UQCC6: variants seen among roughly 807,000 people sequenced by gnomAD.
UQCC6 encodes the protein ubiquinol-cytochrome c reductase complex assembly factor 6, also known as protein BRAWNIN.
At chr12:103,956,899 G>C in the UQCC6 span, 1 of 589,758 alleles carries the variant, frequency 1.7e-6, no homozygotes. Flanking sequence ...CCACGCCTCG[G>C]TTTCCTCCTT....
chr12:103,961,735 A>C, the UQCC6 span, among the ~76,000 whole-genome samples: 115 of 151,800 alleles, frequency 7.6e-4, no homozygotes, highest in Non-Finnish European at 1.3e-3. Context: ...TTTTCTTTGT[A>C]TTTTAGTAAA....
the UQCC6 span, among the ~76,000 whole-genome samples, chr12:103,961,463 G>A: frequency 1.3e-5 from 2 of 152,164 alleles, no homozygotes; most frequent in Non-Finnish European, 2.9e-5. Context: ...GACTCACCCA[G>A]AGCAACAAGG....
the UQCC6 span, among the ~76,000 whole-genome samples, chr12:103,952,174 CA>C: frequency 2.4e-4 from 37 of 152,244 alleles, no homozygotes; most frequent in African/African-American, 8.4e-4. Flanking sequence ...TACTTATTAG[CA>C]GTCACTTTCA....
chr12:103,963,311 G>A, the UQCC6 span, among the ~76,000 whole-genome samples: 1 of 152,080 alleles, frequency 6.6e-6, no homozygotes, highest in African/African-American at 2.4e-5. Context: ...TCTGGCCTTG[G>A]GTGATCTGCC....
chr12:103,957,964 ATTATATATTTTTAATATATAT>A, the UQCC6 span, among the ~76,000 whole-genome samples: 2 of 143,576 alleles, frequency 1.4e-5, no homozygotes, highest in Non-Finnish European at 3.0e-5. Flanking sequence ...TTTAATATAT[ATTATATATTTTTAATATATAT>A]TTATATATTT....
At chr12:103,964,733 CAG>C in the UQCC6 span, among the ~76,000 whole-genome samples, 1 of 152,192 alleles carries the variant, frequency 6.6e-6, no homozygotes, top group Non-Finnish European at 1.5e-5. Flanking sequence ...TTGGCAAAAT[CAG>C]AGAGGATGGG....
At chr12:103,959,388 G>A in the UQCC6 span, among the ~76,000 whole-genome samples, 2 of 152,274 alleles carry the variant, frequency 1.3e-5, no homozygotes, top group East Asian at 3.9e-4. Flanking sequence ...GGAATTACTA[G>A]AGCATATGGA....
At chr12:103,954,634 C>T in the UQCC6 span, 2 of 337,772 alleles carry the variant, frequency 5.9e-6, no homozygotes, top group South Asian at 5.5e-5. Context: ...GATCACATTT[C>T]GGCGTGAAAT....
At chr12:103,952,981 G>A in the UQCC6 span, among the ~76,000 whole-genome samples, 1 of 152,174 alleles carries the variant, frequency 6.6e-6, no homozygotes, top group Admixed American at 6.5e-5. Context: ...TCACAGAGAG[G>A]TTAAGAGGAG....
At chr12:103,951,921 T>C in the UQCC6 span, among the ~76,000 whole-genome samples, 1 of 152,198 alleles carries the variant, frequency 6.6e-6, no homozygotes, top group Admixed American at 6.5e-5. Flanking sequence ...AATAAAACTT[T>C]CCACATCTGG....
At chr12:103,959,588 T>C in the UQCC6 span, among the ~76,000 whole-genome samples, 1 of 151,634 alleles carries the variant, frequency 6.6e-6, no homozygotes, top group Non-Finnish European at 1.5e-5. Flanking sequence ...GGTGTGCGCC[T>C]GTAGTCCCAG....
chr12:103,957,964 A>AT, the UQCC6 span, among the ~76,000 whole-genome samples: 415 of 143,552 alleles, frequency 2.9e-3, 2 homozygotes, highest in African/African-American at 9.8e-3. Flanking sequence ...TTTAATATAT[A>AT]TTATATATTT....
the UQCC6 span, among the ~76,000 whole-genome samples, chr12:103,962,213 C>A: frequency 1.3e-5 from 2 of 152,048 alleles, no homozygotes; most frequent in African/African-American, 4.8e-5. Context: ...TTTATATGTT[C>A]TGGACACAAG....
the UQCC6 span, chr12:103,956,392 CTG>C: frequency 2.5e-6 from 1 of 402,170 alleles, no homozygotes; most frequent in Non-Finnish European, 4.5e-6. Context: ...AGCGGCCAGA[CTG>C]TGTAAGACCT....
At chr12:103,958,463 T>C in the UQCC6 span, among the ~76,000 whole-genome samples, 1 of 152,178 alleles carries the variant, frequency 6.6e-6, no homozygotes, top group Non-Finnish European at 1.5e-5. Context: ...CCCTCCTCCA[T>C]GGCCTCATTT....
the UQCC6 span, among the ~76,000 whole-genome samples, chr12:103,960,472 G>A: frequency 6.6e-6 from 1 of 152,006 alleles, no homozygotes; most frequent in Non-Finnish European, 1.5e-5. Context: ...CTCTGGTCAG[G>A]CTTTTTTATT....
At chr12:103,956,752 G>A in the UQCC6 span, 9 of 1,534,024 alleles carry the variant, frequency 5.9e-6, no homozygotes, top group Admixed American at 2.0e-5. Flanking sequence ...CGGCAGGCTG[G>A]ACGGGGAAGG....
the UQCC6 span, among the ~76,000 whole-genome samples, chr12:103,961,404 A>G: frequency 2.0e-5 from 3 of 152,304 alleles, no homozygotes; most frequent in South Asian, 6.2e-4. Context: ...TACAGTGTTT[A>G]TAAAGTCTAC....
chr12:103,954,831 G>T, the UQCC6 span: 45 of 648,482 alleles, frequency 6.9e-5, no homozygotes, highest in East Asian at 6.1e-4. Flanking sequence ...TGTTTTACAA[G>T]AGTATTGGAT....
Sources: gnomAD v4.1 joint callset for allele counts (sites outside exome capture counted in the v4.1 genomes callset) on GRCh38, gnomAD v4.1.1 for gene constraint, MANE v1.5 for transcripts, NCBI Gene and HGNC (gene_info 2026-07-23, HGNC 2026-07-21) for gene names.